RORB: variants seen among roughly 807,000 people sequenced by gnomAD.
The protein encoded by RORB is nuclear receptor ROR-beta.
A neutral mutation model predicts 59.1 loss-of-function variants in RORB; 6 were observed. That is an observed-to-expected ratio of 0.10 (90% CI 0.06 to 0.20). The LOEUF is 0.20. Among genes scored for constraint, RORB ranks in the 10% least tolerant of loss-of-function variants. RORB has a pLI of 1.00. For missense variants in RORB, 320 were observed against 560.5 expected, an observed-to-expected ratio of 0.57 and a Z score of 4.33; for synonymous variants, 215 against 204.5, an observed-to-expected ratio of 1.05 and a Z score of -0.44.
intron 4 of RORB, among the ~76,000 whole-genome samples, chr9:74,656,211 C>T (rs1824076837): frequency 6.6e-6 from 1 of 152,066 alleles, no homozygotes; most frequent in Non-Finnish European, 1.5e-5. Flanking sequence ...ACTAACTCAG[C>T]GTTGGTTGAG....
chr9:74,599,269 T>C (rs1823018310), intron 1 of RORB, among the ~76,000 whole-genome samples: 2 of 152,114 alleles, frequency 1.3e-5, no homozygotes, highest in Non-Finnish European at 2.9e-5. Flanking sequence ...TTGTTTTTCT[T>C]GTGTATAGCA....
chr9:74,630,562 A>G (rs561345796), intron 2 of RORB, among the ~76,000 whole-genome samples, 195 bp downstream of exon 2: 1 of 152,208 alleles, frequency 6.6e-6, no homozygotes, highest in Admixed American at 6.5e-5. Context: ...GTTATTGTCT[A>G]ACTGGTCAGC....
At chr9:74,598,109 T>G (rs2118310605) in intron 1 of RORB, among the ~76,000 whole-genome samples, 1 of 152,322 alleles carries the variant, frequency 6.6e-6, no homozygotes, top group East Asian at 1.9e-4. Flanking sequence ...ATATATATTT[T>G]GCATTATATT....
intron 1 of RORB, among the ~76,000 whole-genome samples, chr9:74,614,565 G>T (rs1215825004): frequency 1.3e-5 from 2 of 151,776 alleles, no homozygotes; most frequent in African/African-American, 4.8e-5. Context: ...ACATCATGTT[G>T]TATATTTTAA....
At chr9:74,593,954 A>G (rs976785596) in intron 1 of RORB, among the ~76,000 whole-genome samples, 2 of 152,220 alleles carry the variant, frequency 1.3e-5, no homozygotes, top group Non-Finnish European at 2.9e-5. Context: ...AAGTTAACTC[A>G]TATTCAGAAT....
At chr9:74,506,960 T>C (rs1272496469) in intron 1 of RORB, among the ~76,000 whole-genome samples, 1 of 152,094 alleles carries the variant, frequency 6.6e-6, no homozygotes, top group African/African-American at 2.4e-5. Flanking sequence ...AATGATTTCA[T>C]TTCTTGAGGT....
intron 1 of RORB, among the ~76,000 whole-genome samples, chr9:74,530,879 C>T (rs944068578): frequency 4.6e-5 from 7 of 151,922 alleles, no homozygotes; most frequent in Middle Eastern, 3.2e-3. Flanking sequence ...CCCCTACCCC[C>T]TACCCCACGA....
At chr9:74,571,216 G>T (rs1822545438) in intron 1 of RORB, among the ~76,000 whole-genome samples, 1 of 151,956 alleles carries the variant, frequency 6.6e-6, no homozygotes, top group Non-Finnish European at 1.5e-5. Flanking sequence ...AATGCACATT[G>T]TCTCGATTAA....
intron 1 of RORB, among the ~76,000 whole-genome samples, chr9:74,605,997 T>C (rs909628912): frequency 2.6e-5 from 4 of 152,202 alleles, no homozygotes; most frequent in African/African-American, 7.2e-5. Context: ...ATGCTACTCA[T>C]TGGAGGAACA....
intron 9 of RORB, 114 bp downstream of exon 9, chr9:74,672,015 A>T (rs1046422499): frequency 1.7e-6 from 1 of 599,506 alleles, no homozygotes; most frequent in African/African-American, 1.9e-5. Flanking sequence ...AAAGTTACCA[A>T]AGACTGCATA....
intron 1 of RORB, chr9:74,498,323 G>C (rs774607586): frequency 5.2e-6 from 2 of 386,940 alleles, no homozygotes; most frequent in Non-Finnish European, 9.5e-6. Context: ...AGCCGAAAGA[G>C]GGATGCCTCT....
At chr9:74,604,441 AG>A (rs1444728138) in intron 1 of RORB, among the ~76,000 whole-genome samples, 1 of 152,188 alleles carries the variant, frequency 6.6e-6, no homozygotes, top group African/African-American at 2.4e-5. Context: ...TGGACCCACT[AG>A]TTGCAAGGGC....
chr9:74,660,546 T>A, intron 4 of RORB, 71 bp from the exon 5 acceptor site: 1 of 1,433,304 alleles, frequency 7.0e-7, no homozygotes, highest in Non-Finnish European at 9.4e-7. Flanking sequence ...ATTCTTATAG[T>A]AAACACATTA....
intron 1 of RORB, among the ~76,000 whole-genome samples, chr9:74,599,314 GA>G (rs769261383): frequency 6.0e-4 from 85 of 141,266 alleles, no homozygotes; most frequent in East Asian, 3.3e-3. Context: ...CTTTCCACCA[GA>G]AAAAAAAAAA....
chr9:74,572,575 G>A (rs1041768850), intron 1 of RORB, among the ~76,000 whole-genome samples: 8 of 152,092 alleles, frequency 5.3e-5, no homozygotes, highest in African/African-American at 1.7e-4. Flanking sequence ...TCACAGGAGG[G>A]AAAAAGGGTG....
At chr9:74,524,160 T>C (rs995978453) in intron 1 of RORB, among the ~76,000 whole-genome samples, 1 of 151,208 alleles carries the variant, frequency 6.6e-6, no homozygotes, top group East Asian at 1.9e-4. Flanking sequence ...CAGGGTGGGG[T>C]TTTATGTGAG....
intron 1 of RORB, among the ~76,000 whole-genome samples, chr9:74,610,077 C>T (rs1260561826): frequency 2.0e-5 from 3 of 152,198 alleles, no homozygotes; most frequent in Admixed American, 6.5e-5. Flanking sequence ...ATGTATACAG[C>T]GTCTCACATT....
chr9:74,607,052 C>T (rs1823159938), intron 1 of RORB, among the ~76,000 whole-genome samples: 1 of 152,060 alleles, frequency 6.6e-6, no homozygotes, highest in Admixed American at 6.5e-5. Flanking sequence ...AATATAGGTC[C>T]CAGGTGCAGC....
chr9:74,646,016 T>C (rs1823891959), intron 4 of RORB, among the ~76,000 whole-genome samples: 1 of 151,904 alleles, frequency 6.6e-6, no homozygotes, highest in Admixed American at 6.6e-5. Flanking sequence ...TTAATGGGCA[T>C]CTAAACCAAT....
Sources: allele counts gnomAD v4.1 joint callset (sites outside exome capture counted in the v4.1 genomes callset), GRCh38; gene constraint gnomAD v4.1.1; transcripts MANE v1.5; gene names NCBI Gene and HGNC (gene_info 2026-07-23, HGNC 2026-07-21).